The following SMAGP variants were observed in gnomAD, a reference collection of about 807,000 sequenced individuals.
SMAGP encodes small cell adhesion glycoprotein.
Under a neutral mutation model 10.1 loss-of-function variants are expected in SMAGP, and 7 were observed. The observed-to-expected ratio is 0.70, with a 90% CI of 0.40 to 1.31. The LOEUF (loss-of-function observed/expected upper bound fraction) is 1.31. Among genes scored for constraint, SMAGP ranks in the 50% most tolerant of loss-of-function variants. SMAGP has a pLI of 0.01. For missense variants in SMAGP, 113 were observed against 116.5 expected (o/e 0.97, Z 0.14); for synonymous variants, 49 against 47.2 (o/e 1.04, Z -0.16).
At chr12:51,255,342 TTG>T (rs555405571) in intron 2 of SMAGP, among the ~76,000 whole-genome samples, 95 of 152,284 alleles carry the variant, frequency 6.2e-4, no homozygotes, top group African/African-American at 2.2e-3. Context: ...TGGCCTAGGT[TTG>T]TGTTTTAAAG....
rs920189958 is a variant in SMAGP, at chr12:51,265,042, A to G, written c.34+4203T>C. Among the ~76,000 whole-genome samples, 7 of 152,274 alleles carry G rather than the reference A, an allele frequency of 4.6e-5. No homozygotes were observed. In the East Asian group the frequency reaches 1.3e-3, roughly 29 times the overall value. On this transcript the variant is annotated intron_variant, in intron 2 of 3. Transcript: ENST00000603798. Reference sequence around the variant, plus strand: ...ATACAACTGAACAAGAACAAAACAAATCAACTAAAAAATGGGACAAGACTT... The same window carrying G: ...ATACAACTGAACAAGAACAAAACAAGTCAACTAAAAAATGGGACAAGACTT...
chr12:51,269,477 G>A (rs1311847931), intron 1 of SMAGP, 161 bp from the exon 2 acceptor site: 4 of 600,276 alleles, frequency 6.7e-6, no homozygotes, highest in African/African-American at 3.7e-5. Flanking sequence ...CAGGCTCCAG[G>A]TACCAACAGC....
intron 3 of SMAGP, 180 bp downstream of exon 3, chr12:51,246,571 T>C (rs977960670): frequency 6.2e-6 from 3 of 486,832 alleles, no homozygotes; most frequent in African/African-American, 5.9e-5. Flanking sequence ...TTACTGGTAG[T>C]GCCTCTGACA....
At chr12:51,254,375 C>G (rs914990178) in intron 2 of SMAGP, among the ~76,000 whole-genome samples, 1 of 151,892 alleles carries the variant, frequency 6.6e-6, no homozygotes, top group Non-Finnish European at 1.5e-5. Context: ...GGCAAAACCC[C>G]GTCTCTACTA....
At chr12:51,255,640 CA>C (rs1475099540) in intron 2 of SMAGP, among the ~76,000 whole-genome samples, 9 of 152,214 alleles carry the variant, frequency 5.9e-5, no homozygotes, top group African/African-American at 2.2e-4. Flanking sequence ...ATGATTGAAA[CA>C]GGGATTGATT....
intron 2 of SMAGP, among the ~76,000 whole-genome samples, chr12:51,265,841 G>A (rs1030416976): frequency 2.0e-5 from 3 of 152,188 alleles, no homozygotes; most frequent in African/African-American, 7.2e-5. Flanking sequence ...CCAGCACTTT[G>A]GGAGGCCGAG....
At chr12:51,260,679 AT>A (rs1162152346) in intron 2 of SMAGP, among the ~76,000 whole-genome samples, 9,593 of 78,514 alleles carry the variant, frequency 0.12, 320 homozygotes, top group East Asian at 0.32. Flanking sequence ...CGCCCGGCCA[AT>A]TTTTTTTTTT....
At chr12:51,268,586 T>TTCTCCCTCCTCCCTC (rs1944997617) in intron 2 of SMAGP, among the ~76,000 whole-genome samples, 1 of 138,010 alleles carries the variant, frequency 7.2e-6, no homozygotes, top group Non-Finnish European at 1.5e-5. Context: ...TCCTTTCCTT[T>TTCTCCCTCCTCCCTC]CCTCCCTCCC....
chr12:51,266,548 C>T (rs1944975993), intron 2 of SMAGP, among the ~76,000 whole-genome samples: 1 of 150,844 alleles, frequency 6.6e-6, no homozygotes, highest in Non-Finnish European at 1.5e-5. Flanking sequence ...AGACCATTTT[C>T]ACATAACTCT....
chr12:51,255,126 C>T (rs1944874098), intron 2 of SMAGP, among the ~76,000 whole-genome samples: 1 of 152,202 alleles, frequency 6.6e-6, no homozygotes, highest in African/African-American at 2.4e-5. Flanking sequence ...GCCTCCACCT[C>T]CCAGGCTCAA....
At chr12:51,257,441 G>A (rs903263912) in intron 2 of SMAGP, among the ~76,000 whole-genome samples, 4 of 152,202 alleles carry the variant, frequency 2.6e-5, no homozygotes, top group Non-Finnish European at 4.4e-5. Flanking sequence ...TGGGCCCAGT[G>A]GCTTGTGCCT....
chr12:51,253,723 T>A (rs183247371), intron 2 of SMAGP: 2 of 152,282 alleles, frequency 1.3e-5, no homozygotes, highest in East Asian at 3.9e-4. Flanking sequence ...CTGGCCAACG[T>A]GGTAAAACCC....
At chr12:51,254,592 A>G (rs996686805) in intron 2 of SMAGP, among the ~76,000 whole-genome samples, 2 of 152,180 alleles carry the variant, frequency 1.3e-5, no homozygotes, top group African/African-American at 4.8e-5. Context: ...AAGATATGCT[A>G]TATTAGACGT....
intron 2 of SMAGP, among the ~76,000 whole-genome samples, chr12:51,262,865 G>A (rs1390574908): frequency 6.6e-6 from 1 of 152,120 alleles, no homozygotes; most frequent in Non-Finnish European, 1.5e-5. Context: ...ATTTGCTCTA[G>A]ACCTGCCCAG....
intron 2 of SMAGP, among the ~76,000 whole-genome samples, chr12:51,256,744 A>AC (rs1555167106): frequency 6.2e-5 from 9 of 145,960 alleles, no homozygotes; most frequent in East Asian, 5.9e-4. Flanking sequence ...AAACAAACAA[A>AC]AAAAACACAA....
chr12:51,268,581 T>C (rs796734610), intron 2 of SMAGP, among the ~76,000 whole-genome samples: 49 of 113,508 alleles, frequency 4.3e-4, no homozygotes, highest in African/African-American at 1.5e-3. Context: ...TTCCTTCCTT[T>C]CCTTTCCTCC....
At chr12:51,264,718 G>A (rs1944958811) in intron 2 of SMAGP, among the ~76,000 whole-genome samples, 1 of 151,246 alleles carries the variant, frequency 6.6e-6, no homozygotes, top group Non-Finnish European at 1.5e-5. Context: ...GATTGCCTGA[G>A]CTCAGGAGTT....
chr12:51,255,486 G>C (rs1944876730), intron 2 of SMAGP, among the ~76,000 whole-genome samples: 1 of 152,218 alleles, frequency 6.6e-6, no homozygotes, highest in South Asian at 2.1e-4. Context: ...AGACCACCAT[G>C]TTGAGAGGAA....
At chr12:51,257,813 G>A (rs1315702138) in intron 2 of SMAGP, among the ~76,000 whole-genome samples, 1 of 151,608 alleles carries the variant, frequency 6.6e-6, no homozygotes, top group Non-Finnish European at 1.5e-5. Flanking sequence ...TCAAAGTGCT[G>A]GGATTACAGG....
Sources: gnomAD v4.1 joint callset for allele counts (sites outside exome capture counted in the v4.1 genomes callset) on GRCh38, gnomAD v4.1.1 for gene constraint, MANE v1.5 for transcripts, NCBI Gene and HGNC (gene_info 2026-07-23, HGNC 2026-07-21) for gene names.